The following SLC20A2 variants were observed in gnomAD, a reference collection of about 807,000 sequenced individuals.
SLC20A2 encodes the protein solute carrier family 20 member 2.
A neutral mutation model predicts 61.0 loss-of-function variants in SLC20A2; 30 were observed. That is an observed-to-expected ratio of 0.49 (90% CI 0.37 to 0.67). The LOEUF (loss-of-function observed/expected upper bound fraction) is 0.67, where lower values mean the gene tolerates loss of function less well. Among genes scored for constraint, SLC20A2 ranks in the 30% least tolerant of loss-of-function variants. The pLI, the probability that SLC20A2 is intolerant of heterozygous loss-of-function variation, is 0.00. For synonymous variants in SLC20A2, 351 were observed against 353.3 expected (o/e 0.99, Z 0.07); for missense variants, 626 against 866.4 (o/e 0.72, Z 3.48).
At chr8:42,537,030 G>A (rs755672996) in intron 1 of SLC20A2, among the ~76,000 whole-genome samples, 1 of 150,746 alleles carries the variant, frequency 6.6e-6, no homozygotes, top group Non-Finnish European at 1.5e-5. Flanking sequence ...AGGCAAGATC[G>A]CGCTGCTGCA....
upstream of SLC20A2, chr8:42,501,255 T>C (rs1275902538): frequency 6.6e-6 from 1 of 152,222 alleles, no homozygotes; most frequent in African/African-American, 2.4e-5. Flanking sequence ...TGTGCCGGGA[T>C]TTATTCACTA....
At chr8:42,426,030 C>T (rs1025483331) in intron 10 of SLC20A2, among the ~76,000 whole-genome samples, 1 of 150,736 alleles carries the variant, frequency 6.6e-6, no homozygotes, top group South Asian at 2.1e-4. Flanking sequence ...AGCGAGACTC[C>T]ATCTCAAAAA....
chr8:42,488,673 G>T (rs1278807517), intron 1 of SLC20A2, among the ~76,000 whole-genome samples: 4 of 152,016 alleles, frequency 2.6e-5, no homozygotes, highest in Non-Finnish European at 4.4e-5. Context: ...GTGCACAAGG[G>T]TTCCAATTTC....
At chr8:42,466,910 T>G (rs932528475) in intron 2 of SLC20A2, among the ~76,000 whole-genome samples, 2 of 152,152 alleles carry the variant, frequency 1.3e-5, no homozygotes, top group Non-Finnish European at 2.9e-5. Flanking sequence ...CCTTAAGCAA[T>G]CCTCCTGCTT....
Position 42,418,012 on chromosome 8 carries a change from G to T in SLC20A2, c.1795-45C>A. ...AAAGTAAAAACAGGTGAGCCACAAA[G>T]GCTACACTCTACCAATGTACATGGG... is the stretch of plus-strand genomic sequence containing the variant. On this transcript the variant is annotated intron_variant, in intron 10 of 10. Transcript: ENST00000520262. The T allele has an allele frequency of 1.9e-6, 3 of 1,559,036 alleles. No individual in the cohort carries two copies. In the South Asian group the frequency reaches 3.4e-5, roughly 17 times the overall value.
Position 42,430,118 on chromosome 8 carries a change from C to G in SLC20A2, c.1655G>C (p.Gly552Ala). Residue 552 changes from glycine to alanine, a missense_variant, in exon 9 of 11, where the codon GGG becomes GCG. Around this residue, in one of 3 missense-constraint regions of SLC20A2, gnomAD observed 138 missense variants for 228.7 expected, o/e 0.60. Coordinates refer to ENST00000520262, the MANE Select transcript of SLC20A2 (RefSeq NM_001257180.2). ...VGICTGLWVW[G>A]RRVIQTMGKD... ...CCCCATGGTCTGGATCACTCTTCTC[C>G]CCCAGACCCAGAGGCCTGTGCAGAT... 6.2e-7 allele frequency: 1 copy of G among 1,613,834 alleles called. No individual in the cohort carries two copies. Among genetic ancestry groups the G allele is most frequent in the Non-Finnish European group, 8.5e-7 (1 of 1,179,926 alleles).
At chr8:42,538,003 A>T (rs186126702) in intron 1 of SLC20A2, 50 of 152,288 alleles carry the variant, frequency 3.3e-4, no homozygotes, top group African/African-American at 1.1e-3. Flanking sequence ...AAAATGAGGA[A>T]ATAATTGTAC....
chr8:42,424,310 A>C (rs980320950), intron 10 of SLC20A2, among the ~76,000 whole-genome samples: 3 of 119,020 alleles, frequency 2.5e-5, no homozygotes, highest in African/African-American at 8.4e-5. Context: ...TCTTCAATTA[A>C]GGCTTTTTTT....
At chr8:42,454,367 T>G (rs1337151358) in intron 5 of SLC20A2, among the ~76,000 whole-genome samples, 2 of 152,170 alleles carry the variant, frequency 1.3e-5, no homozygotes, top group African/African-American at 4.8e-5. Flanking sequence ...AATGACTGTA[T>G]GAAGCATTGA....
intron 5 of SLC20A2, among the ~76,000 whole-genome samples, chr8:42,453,448 T>C (rs1586080149): frequency 1.3e-5 from 2 of 152,188 alleles, no homozygotes; most frequent in East Asian, 3.9e-4. Flanking sequence ...GCCTAAGAAA[T>C]AATCAACTTC....
intron 1 of SLC20A2, among the ~76,000 whole-genome samples, chr8:42,500,092 G>A (rs1003262875): frequency 2.0e-5 from 3 of 152,164 alleles, no homozygotes; most frequent in African/African-American, 7.2e-5. Flanking sequence ...CTCCTTCCTT[G>A]CTCTAGAGAT....
rs1027767913 is a variant in SLC20A2 at position 42,520,810 on chromosome 8, G to A, written c.-265+21011C>T. Among the ~76,000 whole-genome samples, 197 of 118,906 alleles carry A rather than the reference G, an allele frequency of 1.7e-3. 25 individuals are homozygous for A. The highest frequency in any genetic ancestry group is 4.6e-3 in the African/African-American group (178 of 38,942). The allele number at this position is 118,906 out of a possible 152,430, so 78.0% of individuals were successfully genotyped here. Reference sequence around the variant, plus strand: ...CCATCCAAATGTACTGTCTGAGAACGGTAATTATTCCCCACAAGAAAAAGC... The same window carrying A: ...CCATCCAAATGTACTGTCTGAGAACAGTAATTATTCCCCACAAGAAAAAGC... On this transcript the variant is annotated intron_variant, in intron 1 of 10. Transcript: ENST00000342228.
At chr8:42,506,999 C>G (rs117192353) in intron 1 of SLC20A2, among the ~76,000 whole-genome samples, 6 of 152,204 alleles carry the variant, frequency 3.9e-5, no homozygotes, top group African/African-American at 1.4e-4. Context: ...TGCACCATCA[C>G]TGCTGAGTCC....
At chr8:42,508,350 G>GC (rs201709238) in intron 1 of SLC20A2, among the ~76,000 whole-genome samples, 3,315 of 147,598 alleles carry the variant, frequency 0.022, 113 homozygotes, top group South Asian at 0.092. Flanking sequence ...AGTGGTATTT[G>GC]TTTTTGTTTG....
At chr8:42,486,991 C>T (rs1441351620) in intron 1 of SLC20A2, among the ~76,000 whole-genome samples, 1 of 151,906 alleles carries the variant, frequency 6.6e-6, no homozygotes, top group Non-Finnish European at 1.5e-5. Flanking sequence ...CTCAGCCTCC[C>T]GGGTAGCTGG....
chr8:42,526,797 G>A (rs1220030423), intron 1 of SLC20A2, among the ~76,000 whole-genome samples: 1 of 151,892 alleles, frequency 6.6e-6, no homozygotes, highest in East Asian at 1.9e-4. Context: ...TGACATGAAT[G>A]TAAAATGTTA....
chr8:42,417,893 G>A lies in SLC20A2; in HGVS notation c.1869C>T (p.Phe623=), dbSNP rs753212009. Residue 623 remains phenylalanine (F), a synonymous_variant, in exon 11 of 11, where the codon TTC becomes TTT. Coordinates refer to ENST00000520262, the MANE Select transcript of SLC20A2 (RefSeq NM_001257180.2). ...CAGGGACGGTCACGAACCAGGCCAC[G>A]AAGATGTTCCGAAAGAGGCGCCAGT... The part of the protein sequence containing the change: ...AVDWRLFRNI[F]VAWFVTVPVA... 4.6e-5 allele frequency: 74 copies of A among 1,614,048 alleles called. No homozygotes were observed. The highest frequency in any genetic ancestry group is 6.0e-5 in the Non-Finnish European group (71 of 1,179,994).
At chr8:42,419,893 T>A (rs895207659) in intron 10 of SLC20A2, among the ~76,000 whole-genome samples, 1 of 152,186 alleles carries the variant, frequency 6.6e-6, no homozygotes, top group Non-Finnish European at 1.5e-5. Context: ...AGCTTTCACA[T>A]ATACAAATTG....
At chr8:42,418,183 G>T (rs1296868064) in intron 10 of SLC20A2, among the ~76,000 whole-genome samples, 3 of 152,166 alleles carry the variant, frequency 2.0e-5, no homozygotes, top group Non-Finnish European at 4.4e-5. Flanking sequence ...TTATATAGTT[G>T]TTTTGAGACA....
Sources: gnomAD v4.1 joint callset for allele counts (sites outside exome capture counted in the v4.1 genomes callset) on GRCh38, gnomAD v4.1.1 for gene constraint, gnomAD v4.1.1 regional missense constraint, MANE v1.5 for transcripts, NCBI Gene and HGNC (gene_info 2026-07-23, HGNC 2026-07-21) for gene names.